The following MVB12B variants were observed in gnomAD, a reference collection of about 807,000 sequenced individuals.
MVB12B encodes the protein multivesicular body subunit 12B.
MVB12B carries 16 observed loss-of-function variants against 41.6 expected under a neutral mutation model. That is an observed-to-expected ratio of 0.38 (90% CI 0.26 to 0.58). The LOEUF (loss-of-function observed/expected upper bound fraction) is 0.58. Among genes scored for constraint, MVB12B ranks in the 20% least tolerant of loss-of-function variants. The pLI, the probability that MVB12B is intolerant of heterozygous loss-of-function variation, is 0.62. For missense variants in MVB12B, 274 were observed against 380.2 expected, an observed-to-expected ratio of 0.72 and a Z score of 2.32; for synonymous variants, 133 against 139.7, an observed-to-expected ratio of 0.95 and a Z score of 0.34.
At chr9:126,374,990 C>A (rs1830440087) in intron 2 of MVB12B, among the ~76,000 whole-genome samples, 1 of 152,156 alleles carries the variant, frequency 6.6e-6, no homozygotes, top group South Asian at 2.1e-4. Context: ...CCACCTTCAC[C>A]TTTTTATTTC....
At chr9:126,420,144 T>C (rs1564321624) in intron 6 of MVB12B, among the ~76,000 whole-genome samples, 1 of 152,236 alleles carries the variant, frequency 6.6e-6, no homozygotes, top group Admixed American at 6.5e-5. Context: ...CTTCTTTTCA[T>C]GCTTACCAGC....
Position 126,389,643 on chromosome 9 carries a change from T to C in MVB12B, c.410-2423T>C, listed in dbSNP as rs199697845. Among the ~76,000 whole-genome samples, 31 of 152,294 alleles carry C rather than the reference T, an allele frequency of 2.0e-4. No individual in the cohort carries two copies. In the East Asian group the frequency reaches 5.0e-3, roughly 25 times the overall value. On this transcript the variant is annotated intron_variant, in intron 4 of 9. Coordinates refer to ENST00000361171, the MANE Select transcript of MVB12B (RefSeq NM_033446.3). This position sits in a 1 kb window ranked among gnomAD's most constrained non-coding sequence, Gnocchi z 4.4. ...AGTGAAACACCCGGCGTTAGTTTTCTTTGTGTAAAGGTCTCTCTTCTTCGT... is the reference window on the plus strand; with the variant it reads ...AGTGAAACACCCGGCGTTAGTTTTCCTTGTGTAAAGGTCTCTCTTCTTCGT...
intron 1 of MVB12B, chr9:126,327,291 G>A: frequency 1.2e-5 from 12 of 985,196 alleles, no homozygotes; most frequent in Non-Finnish European, 1.3e-5. Context: ...CCCAAGGCCC[G>A]GGCAGGTGAG....
chr9:126,413,718 C>T (rs1386395938), intron 6 of MVB12B, among the ~76,000 whole-genome samples: 1 of 152,104 alleles, frequency 6.6e-6, no homozygotes, highest in Non-Finnish European at 1.5e-5. Context: ...CGTCTTCCAG[C>T]ATTTAGTATG....
chr9:126,481,277 T>C, intron 7 of MVB12B, 92 bp from the exon 8 acceptor site: 1 of 1,081,934 alleles, frequency 9.2e-7, no homozygotes, highest in South Asian at 1.3e-5. Flanking sequence ...AGTGACGGAT[T>C]CATATTCTCT....
intron 6 of MVB12B, among the ~76,000 whole-genome samples, chr9:126,398,577 A>G (rs930515381): frequency 1.3e-5 from 2 of 152,204 alleles, no homozygotes; most frequent in Non-Finnish European, 2.9e-5. Context: ...TTTCTCAGGT[A>G]GCCTTAACCA....
intron 2 of MVB12B, among the ~76,000 whole-genome samples, chr9:126,375,492 C>T (rs751522249): frequency 5.3e-5 from 8 of 150,668 alleles, no homozygotes; most frequent in Non-Finnish European, 1.2e-4. Flanking sequence ...TAAATGCTCT[C>T]CCCTCCACAT....
At chr9:126,412,626 A>T (rs1831684842) in intron 6 of MVB12B, among the ~76,000 whole-genome samples, 1 of 152,204 alleles carries the variant, frequency 6.6e-6, no homozygotes, top group African/African-American at 2.4e-5. Context: ...CATCCAAAAA[A>T]ATTAACACTT....
rs1207064930 is a variant in MVB12B at position 126,484,000 on chromosome 9, A to C, written c.841A>C (p.Thr281Pro). 2 of 1,614,092 alleles carry C rather than the reference A, an allele frequency of 1.2e-6. No homozygotes were observed. Among genetic ancestry groups the C allele is most frequent in the Non-Finnish European group, 1.7e-6 (2 of 1,180,020 alleles). ...SMQPFDLLGI[T>P]IKSLAEIEKE... The stretch of plus-strand genomic sequence containing the variant: ...GCAGCCCTTTGATCTCCTGGGAATC[A>C]CCATCAAATCTCTAGCAGAAATCGA... The change falls in exon 9 of 10, where the codon ACC becomes CCC. Residue 281 changes from threonine (T) to proline (P), a missense_variant. Transcript: ENST00000361171.
At chr9:126,462,069 G>A (rs1313443751) in intron 7 of MVB12B, among the ~76,000 whole-genome samples, 6 of 152,144 alleles carry the variant, frequency 3.9e-5, no homozygotes, top group South Asian at 2.1e-4. Context: ...CGATAAAAAC[G>A]CTCTGCTGTT....
At chr9:126,450,926 G>C (rs1053443804) in intron 7 of MVB12B, among the ~76,000 whole-genome samples, 1 of 152,228 alleles carries the variant, frequency 6.6e-6, no homozygotes, top group South Asian at 2.1e-4. Context: ...CCCTGCAGGT[G>C]CAGACCAGCT....
intron 9 of MVB12B, among the ~76,000 whole-genome samples, chr9:126,499,257 C>T (rs1209621862): frequency 6.6e-6 from 1 of 151,996 alleles, no homozygotes; most frequent in Admixed American, 6.5e-5. Flanking sequence ...GGACCCCTGG[C>T]AGAGCCTCCA....
At chr9:126,494,520 A>G (rs868745662) in intron 9 of MVB12B, among the ~76,000 whole-genome samples, 1 of 152,200 alleles carries the variant, frequency 6.6e-6, no homozygotes, top group Non-Finnish European at 1.5e-5. Flanking sequence ...CAAGGTGAAC[A>G]TCTCGCCTTT....
chr9:126,490,979 T>C (rs1833719233), intron 9 of MVB12B, among the ~76,000 whole-genome samples: 1 of 152,248 alleles, frequency 6.6e-6, no homozygotes, highest in Non-Finnish European at 1.5e-5. Flanking sequence ...GAAATCCGTC[T>C]TGATTATAAT....
At chr9:126,414,796 A>G (rs1024837628) in intron 6 of MVB12B, among the ~76,000 whole-genome samples, 1 of 151,506 alleles carries the variant, frequency 6.6e-6, no homozygotes, top group Admixed American at 6.6e-5. Flanking sequence ...TGCACCAGCC[A>G]CCATCATTCT....
chr9:126,483,564 C>T (rs769192560), intron 8 of MVB12B, among the ~76,000 whole-genome samples: 2 of 152,136 alleles, frequency 1.3e-5, no homozygotes, highest in Non-Finnish European at 2.9e-5. Context: ...GCTGGGCGGC[C>T]TCCGGGGAGA....
chr9:126,332,688 C>G (rs938152522), intron 1 of MVB12B, among the ~76,000 whole-genome samples: 1 of 151,978 alleles, frequency 6.6e-6, no homozygotes, highest in Non-Finnish European at 1.5e-5. Flanking sequence ...CTTTATGTGC[C>G]CCTGCCCCTT....
intron 7 of MVB12B, chr9:126,481,092 T>A: frequency 4.3e-6 from 2 of 467,004 alleles, no homozygotes; most frequent in Non-Finnish European, 7.6e-6. Flanking sequence ...AGAGTAGGGG[T>A]TCTGGACCAG....
rs1266372372 is a variant in MVB12B at position 126,506,789 on chromosome 9, G to T, written c.*3526G>T. 1 of 152,280 alleles carries T rather than the reference G, an allele frequency of 6.6e-6. No individual in the cohort carries two copies. The highest frequency in any genetic ancestry group is 2.4e-5 in the African/African-American group (1 of 41,434). 9.4% of individuals were successfully genotyped at this position (152,280 alleles called of 1,614,324 possible). On this transcript the variant is annotated 3_prime_UTR_variant, in exon 10 of 10. Coordinates refer to ENST00000361171, the MANE Select transcript of MVB12B (RefSeq NM_033446.3). ...GCTTGGGCTGCCTGGCACCCTCAGG[G>T]TGGCCCGGCCTCCTCCTGCCACTCT...
Sources: gnomAD v4.1 joint callset for allele counts (sites outside exome capture counted in the v4.1 genomes callset) on GRCh38, gnomAD v4.1.1 for gene constraint, Gnocchi (gnomAD v3.1) non-coding constraint, MANE v1.5 for transcripts, NCBI Gene and HGNC (gene_info 2026-07-23, HGNC 2026-07-21) for gene names.